Variants in TBCD observed in about 807,000 individuals in gnomAD.
The protein encoded by TBCD is tubulin folding cofactor D, also known as tubulin-specific chaperone D.
In TBCD, 105 loss-of-function variants were observed where a neutral mutation model predicts 169.3. That is an observed-to-expected ratio of 0.62 (90% CI 0.53 to 0.73). TBCD has a LOEUF of 0.73. Ranked by LOEUF, TBCD falls within the 30% of genes least tolerant of loss-of-function variation. The probability of loss-of-function intolerance (pLI) is 0.00; values close to 1 mark genes in which losing one functional copy is unlikely to be tolerated. For missense variants in TBCD, 1,444 were observed against 1,600.1 expected, an observed-to-expected ratio of 0.90 and a Z score of 1.66; for synonymous variants, 700 against 643.9, an observed-to-expected ratio of 1.09 and a Z score of -1.32.
chr17:82,928,632 GTCTC>G (rs899688930), intron 30 of TBCD, among the ~76,000 whole-genome samples: 13 of 152,180 alleles, frequency 8.5e-5, no homozygotes, highest in South Asian at 2.1e-4. Context: ...CTTGCTGTCA[GTCTC>G]TCTGTCAGGG....
intron 6 of TBCD, among the ~76,000 whole-genome samples, chr17:82,775,308 G>A (rs2048527312): frequency 6.6e-6 from 1 of 152,238 alleles, no homozygotes; most frequent in Admixed American, 6.5e-5. Context: ...TGATTCTCAA[G>A]AGTGTTTGAG....
chr17:82,928,330 C>G (rs1383151692), intron 30 of TBCD, among the ~76,000 whole-genome samples: 1 of 152,208 alleles, frequency 6.6e-6, no homozygotes, highest in Non-Finnish European at 1.5e-5. Flanking sequence ...GCTTAGGACC[C>G]TGAACCTGGG....
Position 82,814,856 on chromosome 17 carries a change from A to G in TBCD, c.1240A>G (p.Lys414Glu), listed in dbSNP as rs775419756. 42 of 1,613,758 alleles carry G rather than the reference A, an allele frequency of 2.6e-5. No homozygotes were observed. The highest frequency in any genetic ancestry group is 5.3e-5 in the African/African-American group (4 of 74,912). The change falls in exon 13 of 39, where the codon AAG (lysine) becomes GAG (glutamate). Residue 414 changes from lysine (K) to glutamate (E), a missense_variant. Transcript: ENST00000355528. ...LDCFSFQETD[K>E]AWHGGCLALA... ...TGCTCTCAGTTTCCAGGAGACTGAC[A>G]AGGCGTGGCATGGGGGATGTCTGGC...
intron 17 of TBCD, among the ~76,000 whole-genome samples, chr17:82,894,590 A>G (rs928672509): frequency 6.6e-6 from 1 of 152,174 alleles, no homozygotes; most frequent in Non-Finnish European, 1.5e-5. Flanking sequence ...CTTTGAACAC[A>G]CTTATCTGTA....
intron 13 of TBCD, among the ~76,000 whole-genome samples, chr17:82,815,478 A>G (rs1170151133): frequency 1.3e-5 from 2 of 152,210 alleles, no homozygotes; most frequent in South Asian, 2.1e-4. Context: ...GTGGAGGGCC[A>G]GGGGAGCTCT....
At chr17:82,774,398 AG>A (rs2048459275) in intron 6 of TBCD, among the ~76,000 whole-genome samples, 1 of 152,260 alleles carries the variant, frequency 6.6e-6, no homozygotes. Flanking sequence ...ATCCCAAGGC[AG>A]AAGAATTTTT....
chr17:82,760,011 C>T (rs1004403235), intron 2 of TBCD, among the ~76,000 whole-genome samples: 2 of 151,752 alleles, frequency 1.3e-5, no homozygotes, highest in Non-Finnish European at 2.9e-5. Flanking sequence ...CTCAGCCTCC[C>T]GAGTAGCATG....
intron 36 of TBCD, among the ~76,000 whole-genome samples, 182 bp downstream of exon 36, chr17:82,938,318 C>G (rs2062810209): frequency 6.6e-6 from 1 of 152,200 alleles, no homozygotes. Flanking sequence ...CGCCACTGTT[C>G]TGGCTTTAAG....
chr17:82,882,524 G>T (rs1417126790), intron 14 of TBCD, among the ~76,000 whole-genome samples: 3 of 152,216 alleles, frequency 2.0e-5, no homozygotes. Context: ...CCCATGCCCT[G>T]GGGACTCATG....
chr17:82,846,640 G>A (rs535233447), intron 13 of TBCD, among the ~76,000 whole-genome samples: 1 of 152,194 alleles, frequency 6.6e-6, no homozygotes, highest in Non-Finnish European at 1.5e-5. Context: ...CCCTGCCTTC[G>A]GGTTGTCTGG....
intron 13 of TBCD, among the ~76,000 whole-genome samples, chr17:82,836,169 G>A (rs753298438): frequency 1.4e-4 from 22 of 152,262 alleles, no homozygotes; most frequent in Non-Finnish European, 3.1e-4. Flanking sequence ...GGTGATGAAA[G>A]CAGTTTCCCT....
intron 18 of TBCD, among the ~76,000 whole-genome samples, chr17:82,901,593 C>A (rs1377065921): frequency 6.6e-6 from 1 of 151,162 alleles, no homozygotes; most frequent in South Asian, 2.1e-4. Context: ...GTCCTGCTGC[C>A]TGGGGAGCGG....
In TBCD at chr17:82,820,786, TTGATGG is replaced by T. The variant is rs1292495682; in HGVS notation, c.1318+5855_1318+5860del. 2.0e-5 allele frequency among the ~76,000 whole-genome samples: 3 copies of T among 148,558 alleles called. No homozygotes were observed. The East Asian group carries it at 6.1e-4, about 30-fold the overall frequency. On this transcript the variant is annotated intron_variant, in intron 13 of 38. Transcript: ENST00000355528. ...TATGTTAATACACATGTTGGTAAGC[TTGATGG>T]TGCCCTATGAGTCTCTTAGGTTCTG...
Position 82,920,359 on chromosome 17 carries a change from G to T in TBCD, c.2039-197G>T, listed in dbSNP as rs557084337. On this transcript the variant is annotated intron_variant, in intron 23 of 38. Transcript: ENST00000355528. The surrounding 1 kb of genome is among the most constrained non-coding windows in gnomAD (Gnocchi z 4.1). Reference sequence around the variant, plus strand: ...CAGCACTTTCTTCAGGCTGCTCAGCGGAGGAGGCGTCTTGGGCTTCTCATG... The same window carrying T: ...CAGCACTTTCTTCAGGCTGCTCAGCTGAGGAGGCGTCTTGGGCTTCTCATG... 3.3e-6 allele frequency: 2 copies of T among 615,144 alleles called. No homozygotes were observed. Among genetic ancestry groups the T allele is most frequent in the East Asian group, 5.5e-5 (2 of 36,196 alleles). 38.1% of individuals were successfully genotyped at this position (615,144 alleles called of 1,614,324 possible). A position where few individuals can be genotyped will look rare whatever the true frequency, so the allele number is the denominator to read the frequency against.
In TBCD at chr17:82,806,132, T is replaced by G; in HGVS notation, c.1087+121T>G. On this transcript the variant is annotated intron_variant, in intron 10 of 38. Coordinates refer to ENST00000355528, the MANE Select transcript of TBCD (RefSeq NM_005993.5). This position sits in a 1 kb window ranked among gnomAD's most constrained non-coding sequence, Gnocchi z 5.1. ...CGGCACTGTCTGGCCACCCGTCCCC[T>G]TCGCTGAGTGCACGGTCACTGCCCG... 1 of 1,364,410 alleles carries G rather than the reference T, an allele frequency of 7.3e-7. No individual in the cohort carries two copies. Among genetic ancestry groups the G allele is most frequent in the Non-Finnish European group, 1.0e-6 (1 of 1,004,654 alleles). The allele number at this position is 1,364,410 out of a possible 1,614,324, so 84.5% of individuals were successfully genotyped here.
chr17:82,772,155 C>T (rs763814146), intron 5 of TBCD, among the ~76,000 whole-genome samples: 6 of 152,154 alleles, frequency 3.9e-5, no homozygotes, highest in Non-Finnish European at 5.9e-5. Flanking sequence ...AATTGGGTAA[C>T]TCCTTTGTTT....
intron 18 of TBCD, 38 bp downstream of exon 18, chr17:82,900,769 T>C (rs56382391): frequency 2.9e-5 from 43 of 1,500,518 alleles, no homozygotes; most frequent in South Asian, 2.4e-4. Context: ...GAGCTTTTTT[T>C]CCCCCCAAAG....
At chr17:82,791,902 T>C (rs2049759970) in intron 7 of TBCD, among the ~76,000 whole-genome samples, 1 of 151,872 alleles carries the variant, frequency 6.6e-6, no homozygotes, top group Admixed American at 6.6e-5. Flanking sequence ...GGCCAGGTGG[T>C]GTGGCCCGCT....
chr17:82,819,533 A>C (rs540536267), intron 13 of TBCD, among the ~76,000 whole-genome samples: 1 of 148,904 alleles, frequency 6.7e-6, no homozygotes, highest in Non-Finnish European at 1.5e-5. Context: ...TGTTTCTACA[A>C]AAATTGTTTT....
Sources: gnomAD v4.1 joint callset for allele counts (sites outside exome capture counted in the v4.1 genomes callset) on GRCh38, gnomAD v4.1.1 for gene constraint, Gnocchi (gnomAD v3.1) non-coding constraint, MANE v1.5 for transcripts, NCBI Gene and HGNC (gene_info 2026-07-23, HGNC 2026-07-21) for gene names.